GFRA1: variants seen among roughly 807,000 people sequenced by gnomAD.
GFRA1 encodes GDNF family receptor alpha-1.
A neutral mutation model predicts 51.6 loss-of-function variants in GFRA1; 16 were observed. That is an observed-to-expected ratio of 0.31 (90% CI 0.21 to 0.47). The LOEUF (loss-of-function observed/expected upper bound fraction) is 0.47, where lower values mean the gene tolerates loss of function less well. Ranked by LOEUF, GFRA1 falls within the 20% of genes least tolerant of loss-of-function variation. The probability of loss-of-function intolerance (pLI) is 1.00; values close to 1 mark genes in which losing one functional copy is unlikely to be tolerated. For synonymous variants in GFRA1, 270 were observed against 241.3 expected (o/e 1.12, Z -1.10); for missense variants, 530 against 594.3 (o/e 0.89, Z 1.13).
intron 5 of GFRA1, among the ~76,000 whole-genome samples, chr10:116,125,758 A>G (rs907209044): frequency 6.6e-6 from 1 of 152,226 alleles, no homozygotes; most frequent in African/African-American, 2.4e-5. Flanking sequence ...CGGCAGCACA[A>G]AAGCCCCTAA....
At chr10:116,189,094 A>T (rs896341254) in intron 5 of GFRA1, among the ~76,000 whole-genome samples, 13 of 150,342 alleles carry the variant, frequency 8.6e-5, no homozygotes, top group Admixed American at 2.6e-4. Context: ...GTCTCTTAAA[A>T]AAAAAAAAAA....
intron 5 of GFRA1, among the ~76,000 whole-genome samples, chr10:116,148,000 T>G (rs1300129468): frequency 7.4e-6 from 1 of 134,616 alleles, no homozygotes; most frequent in Non-Finnish European, 1.7e-5. Flanking sequence ...TTATCTAGTG[T>G]GAAGGCAAAG....
chr10:116,157,798 C>T (rs190620773), intron 5 of GFRA1, among the ~76,000 whole-genome samples: 25 of 152,290 alleles, frequency 1.6e-4, no homozygotes, highest in Admixed American at 6.5e-4. Context: ...GCACTGTATA[C>T]AATGAATGAC....
chr10:116,182,973 C>A (rs1589851844), intron 5 of GFRA1, among the ~76,000 whole-genome samples: 1 of 152,232 alleles, frequency 6.6e-6, no homozygotes, highest in Admixed American at 6.5e-5. Flanking sequence ...CACAGTGTAA[C>A]TGACCTTTTG....
At position 116,060,845 on chromosome 10, in the gene GFRA1, T is replaced by C. The variant is rs1954776516; in HGVS notation, c.*3553A>G. The C allele has an allele frequency of 6.6e-6, 1 of 152,176 alleles. No individual in the cohort carries two copies. The highest frequency in any genetic ancestry group is 2.4e-5 in the African/African-American group (1 of 41,430). The allele number at this position is 152,176 out of a possible 1,614,324, so 9.4% of individuals were successfully genotyped here. ...TAACTGCATGAATGAAAACTTATTT[T>C]CCAAAAGACAGCTCCTCTGAGGCCA... On this transcript the variant is annotated 3_prime_UTR_variant, in exon 11 of 11. Transcript: ENST00000355422.
In GFRA1 at chr10:116,075,042, A is replaced by G. The variant is rs148968478; in HGVS notation, c.1198-9416T>C. 3.4e-3 allele frequency among the ~76,000 whole-genome samples: 524 copies of G among 152,286 alleles called. 4 individuals carry two copies. The highest frequency in any genetic ancestry group is 0.012 in the African/African-American group (507 of 41,562). On this transcript the variant is annotated intron_variant, in intron 9 of 10. Coordinates refer to ENST00000355422, the MANE Select transcript of GFRA1 (RefSeq NM_005264.8). ...TATTAAGCATGTTTATTACCCAGCAATTGGGTTAAGCAATTGTCCAAGGGC... is the reference window on the plus strand; with the variant it reads ...TATTAAGCATGTTTATTACCCAGCAGTTGGGTTAAGCAATTGTCCAAGGGC...
intron 6 of GFRA1, among the ~76,000 whole-genome samples, chr10:116,119,212 G>C (rs1957549177): frequency 6.6e-6 from 1 of 152,184 alleles, no homozygotes; most frequent in Non-Finnish European, 1.5e-5. Flanking sequence ...AAGAACACCA[G>C]GGTGGGCAGC....
At chr10:116,086,783 A>G (rs1034286287) in intron 9 of GFRA1, among the ~76,000 whole-genome samples, 3 of 152,188 alleles carry the variant, frequency 2.0e-5, no homozygotes, top group African/African-American at 7.2e-5. Context: ...GGAGTTAAAC[A>G]GCAGCCCAGA....
chr10:116,132,936 A>T (rs1434690994), intron 5 of GFRA1, among the ~76,000 whole-genome samples: 1 of 152,134 alleles, frequency 6.6e-6, no homozygotes, highest in Non-Finnish European at 1.5e-5. Context: ...CTGCGTGGGA[A>T]GGCTTCTGAA....
intron 4 of GFRA1, among the ~76,000 whole-genome samples, chr10:116,246,970 T>C (rs991768024): frequency 6.6e-6 from 1 of 152,190 alleles, no homozygotes; most frequent in Non-Finnish European, 1.5e-5. Context: ...GAGTGGAATA[T>C]TGTTCGTGGA....
intron 5 of GFRA1, among the ~76,000 whole-genome samples, chr10:116,144,158 T>C (rs1402565683): frequency 6.6e-6 from 1 of 152,190 alleles, no homozygotes; most frequent in Non-Finnish European, 1.5e-5. Flanking sequence ...AGAAATATTG[T>C]ACTGCTAAAA....
chr10:116,124,403 G>A (rs1957769803), intron 6 of GFRA1, among the ~76,000 whole-genome samples: 2 of 151,080 alleles, frequency 1.3e-5, no homozygotes, highest in Admixed American at 1.3e-4. Context: ...CTAATTTTTT[G>A]TATTTTTACT....
chr10:116,205,305 C>T (rs999567415), intron 5 of GFRA1, among the ~76,000 whole-genome samples: 3 of 152,064 alleles, frequency 2.0e-5, no homozygotes, highest in Admixed American at 6.6e-5. Context: ...GGGCCGGGCA[C>T]GGTGACTCAC....
chr10:116,072,737 G>A (rs914966339), intron 9 of GFRA1, among the ~76,000 whole-genome samples: 1 of 151,936 alleles, frequency 6.6e-6, no homozygotes, highest in Non-Finnish European at 1.5e-5. Flanking sequence ...CTCCAGCCTG[G>A]GTGACAGAGA....
chr10:116,231,475 C>T lies in GFRA1; in HGVS notation c.419-19830G>A, dbSNP rs550439819. 3.9e-5 allele frequency among the ~76,000 whole-genome samples: 6 copies of T among 152,256 alleles called. No homozygotes were observed. The South Asian group carries it at 1.2e-3, about 32-fold the overall frequency. On this transcript the variant is annotated intron_variant, in intron 4 of 10. Coordinates refer to ENST00000355422, the MANE Select transcript of GFRA1 (RefSeq NM_005264.8). ...CATATAAGGCATGGGGATAAGTATT[C>T]CTAAAATTACTTGAATCTCATTTTG...
At chr10:116,252,708 G>A (rs1188249287) in intron 4 of GFRA1, among the ~76,000 whole-genome samples, 2 of 152,228 alleles carry the variant, frequency 1.3e-5, no homozygotes, top group Non-Finnish European at 2.9e-5. Flanking sequence ...CTCGAGGCCA[G>A]TAAACAGATT....
intron 5 of GFRA1, among the ~76,000 whole-genome samples, chr10:116,178,876 C>T (rs1310174504): frequency 6.6e-6 from 1 of 152,170 alleles, no homozygotes; most frequent in Non-Finnish European, 1.5e-5. Flanking sequence ...AGAGAAGAAT[C>T]TCAGTCGGTC....
intron 5 of GFRA1, among the ~76,000 whole-genome samples, chr10:116,150,904 G>A (rs1016385775): frequency 6.6e-6 from 1 of 151,940 alleles, no homozygotes; most frequent in Non-Finnish European, 1.5e-5. Context: ...TCCAGGAACA[G>A]TTTTTATATT....
chr10:116,161,487 T>C (rs1262722060), intron 5 of GFRA1, among the ~76,000 whole-genome samples: 1 of 152,216 alleles, frequency 6.6e-6, no homozygotes, highest in African/African-American at 2.4e-5. Flanking sequence ...TGAAAATGTA[T>C]ACCCTATTGA....
Sources: gnomAD v4.1 joint callset for allele counts (sites outside exome capture counted in the v4.1 genomes callset) on GRCh38, gnomAD v4.1.1 for gene constraint, MANE v1.5 for transcripts, NCBI Gene and HGNC (gene_info 2026-07-23, HGNC 2026-07-21) for gene names.